PCDH15: variants seen among roughly 807,000 people sequenced by gnomAD.
PCDH15 encodes protocadherin-15.
Under a neutral mutation model 178.5 loss-of-function variants are expected in PCDH15, and 129 were observed. The observed-to-expected ratio is 0.72, with a 90% CI of 0.63 to 0.84. PCDH15 has a LOEUF of 0.84. PCDH15 is among the 40% of genes least tolerant of loss of function. PCDH15 has a pLI of 0.00. For synonymous variants in PCDH15, 800 were observed against 732.0 expected (o/e 1.09, Z -1.50); for missense variants, 2,230 against 2,099.9 (o/e 1.06, Z -1.21).
At chr10:54,012,642 A>G (rs887958775) in intron 20 of PCDH15, among the ~76,000 whole-genome samples, 3 of 152,220 alleles carry the variant, frequency 2.0e-5, no homozygotes, top group African/African-American at 7.2e-5. Context: ...GCCTATGTTC[A>G]GCATTCTTAA....
intron 10 of PCDH15, among the ~76,000 whole-genome samples, chr10:54,201,843 T>C (rs1232734987): frequency 6.6e-6 from 1 of 152,172 alleles, no homozygotes; most frequent in Non-Finnish European, 1.5e-5. Context: ...ATTCACACAT[T>C]TTAAAGGTTT....
chr10:55,356,658 G>A (rs561690540), intron 2 of PCDH15, among the ~76,000 whole-genome samples: 13 of 151,692 alleles, frequency 8.6e-5, no homozygotes, highest in South Asian at 2.1e-4. Context: ...AATAACAGAC[G>A]TTGTTTACTA....
chr10:54,236,790 A>T, intron 9 of PCDH15, 33 bp downstream of exon 9: 1 of 1,492,206 alleles, frequency 6.7e-7, no homozygotes, highest in Non-Finnish European at 9.4e-7. Context: ...ATTCTAGAAT[A>T]ACTGATAGTG....
intron 1 of PCDH15, among the ~76,000 whole-genome samples, chr10:54,781,510 C>T (rs935004953): frequency 1.3e-5 from 2 of 152,020 alleles, no homozygotes; most frequent in African/African-American, 4.8e-5. Flanking sequence ...TTATCTTCTC[C>T]TGAAATGTGA....
chr10:54,372,179 AT>A (rs943869554), intron 4 of PCDH15, among the ~76,000 whole-genome samples: 63 of 152,052 alleles, frequency 4.1e-4, no homozygotes, highest in African/African-American at 1.0e-3. Flanking sequence ...TTTTAAAGTT[AT>A]TTATCTTCCA....
intron 1 of PCDH15, among the ~76,000 whole-genome samples, chr10:55,200,759 A>G (rs1001495908): frequency 1.3e-5 from 2 of 151,968 alleles, no homozygotes; most frequent in Admixed American, 6.6e-5. Flanking sequence ...TTCTGATGAG[A>G]GTGAGTTCTC....
At chr10:54,288,550 A>C (rs1437843604) in intron 8 of PCDH15, among the ~76,000 whole-genome samples, 1 of 152,188 alleles carries the variant, frequency 6.6e-6, no homozygotes, top group Non-Finnish European at 1.5e-5. Context: ...GAGCCACAGC[A>C]GGGTGGGGTG....
At chr10:54,858,238 A>G (rs1465659903) in intron 3 of PCDH15, among the ~76,000 whole-genome samples, 1 of 152,154 alleles carries the variant, frequency 6.6e-6, no homozygotes, top group Non-Finnish European at 1.5e-5. Flanking sequence ...GTAAATGACA[A>G]TTTCCTTCTT....
At chr10:54,220,959 C>A (rs1425188260) in intron 9 of PCDH15, among the ~76,000 whole-genome samples, 1 of 151,884 alleles carries the variant, frequency 6.6e-6, no homozygotes, top group Non-Finnish European at 1.5e-5. Flanking sequence ...GCTTTTCCAG[C>A]GAGGACTAAG....
chr10:55,358,159 T>A (rs911117096), intron 2 of PCDH15, among the ~76,000 whole-genome samples: 6 of 152,116 alleles, frequency 3.9e-5, no homozygotes, highest in African/African-American at 1.4e-4. Context: ...AATATATCTG[T>A]AAACTGAACA....
chr10:55,199,943 C>G (rs1840197875), intron 1 of PCDH15, among the ~76,000 whole-genome samples: 1 of 152,074 alleles, frequency 6.6e-6, no homozygotes, highest in African/African-American at 2.4e-5. Flanking sequence ...ATGGAAATGC[C>G]TCGATGTTCA....
chr10:54,805,862 A>G (rs143446710), upstream of PCDH15, among the ~76,000 whole-genome samples: 237 of 152,330 alleles, frequency 1.6e-3, 4 homozygotes, highest in African/African-American at 5.2e-3. Flanking sequence ...AACTGTTCAC[A>G]TCATCTTTTA....
In PCDH15 at chr10:53,959,174, A is replaced by AGT. The variant is rs200948122; in HGVS notation, c.3122+556_3122+557dup. On this transcript the variant is annotated intron_variant, in intron 23 of 37. Coordinates refer to ENST00000644397, the MANE Select transcript of PCDH15 (RefSeq NM_001384140.1). ...ATATGTATTATATATGTGTATATAT[A>AGT]GTGTGTATATATATATACACACAGT... is the stretch of plus-strand genomic sequence containing the variant. Among the ~76,000 whole-genome samples, 1,401 of 148,086 alleles carry AGT rather than the reference A, an allele frequency of 9.5e-3. 22 individuals carry two copies. The highest frequency in any genetic ancestry group is 0.03 in the African/African-American group (1,209 of 40,020).
At chr10:55,233,217 A>G (rs1476918633) in intron 1 of PCDH15, among the ~76,000 whole-genome samples, 1 of 152,116 alleles carries the variant, frequency 6.6e-6, no homozygotes, top group African/African-American at 2.4e-5. Context: ...ATTAAAATAA[A>G]CATGCTTTTT....
intron 2 of PCDH15, among the ~76,000 whole-genome samples, chr10:54,926,985 G>A (rs146774592): frequency 2.5e-4 from 38 of 151,374 alleles, no homozygotes; most frequent in African/African-American, 8.0e-4. Flanking sequence ...GTAATTTCTT[G>A]TCCTTAGCTT....
Position 53,806,562 on chromosome 10 carries a change from A to ATCT in PCDH15, c.*14_*16dup, listed in dbSNP as rs750397872. ...AATGTAAGTAAAAATTAATTAAAAT[A>ATCT]TCTTTTAAAAAATTGGTCACAGTTT... On this transcript the variant is annotated 3_prime_UTR_variant, in exon 38 of 38. Coordinates refer to ENST00000644397, the MANE Select transcript of PCDH15 (RefSeq NM_001384140.1). The ATCT allele has an allele frequency of 1.4e-5, 21 of 1,542,970 alleles. No homozygotes were observed. The highest frequency in any genetic ancestry group is 2.0e-5 in the Admixed American group (1 of 51,190).
intron 2 of PCDH15, among the ~76,000 whole-genome samples, chr10:55,062,927 A>G (rs908728031): frequency 2.0e-5 from 3 of 152,042 alleles, no homozygotes; most frequent in African/African-American, 4.8e-5. Flanking sequence ...ATAGTGGCCA[A>G]TATTTTTGGA....
intron 21 of PCDH15, among the ~76,000 whole-genome samples, chr10:53,993,738 C>A (rs192679987): frequency 6.6e-6 from 1 of 151,990 alleles, no homozygotes; most frequent in South Asian, 2.1e-4. Context: ...GTAGGTGCAA[C>A]CAAATTGCAA....
intron 3 of PCDH15, among the ~76,000 whole-genome samples, chr10:54,522,031 T>A (rs1271491787): frequency 7.6e-6 from 1 of 131,090 alleles, no homozygotes; most frequent in Admixed American, 9.7e-5. Context: ...GAGCTTGCAG[T>A]GAGCCAAGAT....
Sources: gnomAD v4.1 joint callset for allele counts (sites outside exome capture counted in the v4.1 genomes callset) on GRCh38, gnomAD v4.1.1 for gene constraint, MANE v1.5 for transcripts, NCBI Gene and HGNC (gene_info 2026-07-23, HGNC 2026-07-21) for gene names.